The following HDAC9 variants were observed in gnomAD, a reference collection of about 807,000 sequenced individuals.
HDAC9 encodes histone deacetylase 9.
Under a neutral mutation model 139.4 loss-of-function variants are expected in HDAC9, and 41 were observed. That is an observed-to-expected ratio of 0.29 (90% CI 0.23 to 0.38). The LOEUF (loss-of-function observed/expected upper bound fraction) is 0.38, where lower values mean the gene tolerates loss of function less well. Among genes scored for constraint, HDAC9 ranks in the 10% least tolerant of loss-of-function variants. The pLI, the probability that HDAC9 is intolerant of heterozygous loss-of-function variation, is 1.00. For synonymous variants in HDAC9, 517 were observed against 476.2 expected (o/e 1.09, Z -1.12); for missense variants, 1,147 against 1,297.0 (o/e 0.88, Z 1.78).
chr7:18,452,860 T>TTTCC (rs1270149108), intron 1 of HDAC9, among the ~76,000 whole-genome samples: 1 of 152,204 alleles, frequency 6.6e-6, no homozygotes, highest in Non-Finnish European at 1.5e-5. Flanking sequence ...TTAAACCTCC[T>TTTCC]TTCCTTTATA....
At chr7:18,120,931 A>C (rs1784331265) in intron 1 of HDAC9, among the ~76,000 whole-genome samples, 1 of 152,176 alleles carries the variant, frequency 6.6e-6, no homozygotes, top group South Asian at 2.1e-4. Flanking sequence ...TTACTTCCAC[A>C]CTGGCAGTAA....
intron 1 of HDAC9, among the ~76,000 whole-genome samples, chr7:18,385,194 G>A (rs1785804700): frequency 1.3e-5 from 2 of 152,024 alleles, no homozygotes; most frequent in Non-Finnish European, 1.5e-5. Context: ...GCAAAAAGAG[G>A]CAAAGTGATG....
intron 2 of HDAC9, among the ~76,000 whole-genome samples, chr7:18,209,707 CTT>C (rs570706146): frequency 6.9e-6 from 1 of 145,670 alleles, no homozygotes; most frequent in Non-Finnish European, 1.5e-5. Flanking sequence ...GTACTTTTTT[CTT>C]TTTTTTTTTG....
chr7:18,815,782 C>G (rs1645036355), intron 17 of HDAC9, among the ~76,000 whole-genome samples: 1 of 152,224 alleles, frequency 6.6e-6, no homozygotes, highest in Admixed American at 6.5e-5. Context: ...TTCCTGGCTC[C>G]CTTGAGCTGG....
At chr7:18,964,939 TTGAA>T (rs1175616970) in intron 24 of HDAC9, among the ~76,000 whole-genome samples, 1 of 152,200 alleles carries the variant, frequency 6.6e-6, no homozygotes, top group Non-Finnish European at 1.5e-5. Flanking sequence ...AAACAATCCT[TTGAA>T]TGCAATTTGG....
intron 17 of HDAC9, among the ~76,000 whole-genome samples, chr7:18,811,038 A>G (rs560939843): frequency 6.6e-6 from 1 of 151,836 alleles, no homozygotes; most frequent in Non-Finnish European, 1.5e-5. Context: ...TGTGTATTTT[A>G]TAAGAAAATG....
intron 22 of HDAC9, among the ~76,000 whole-genome samples, chr7:18,880,442 T>C (rs182992304): frequency 4.4e-4 from 67 of 152,144 alleles, no homozygotes; most frequent in African/African-American, 1.5e-3. Flanking sequence ...ACAAAGAAAA[T>C]GTGGTACATA....
chr7:18,701,739 A>G (rs1242953103), intron 12 of HDAC9, among the ~76,000 whole-genome samples: 1 of 152,252 alleles, frequency 6.6e-6, no homozygotes, highest in African/African-American at 2.4e-5. Context: ...AACAGGGAAC[A>G]TCCATTACAT....
At chr7:18,759,954 A>G (rs1426759234) in intron 14 of HDAC9, among the ~76,000 whole-genome samples, 2 of 152,208 alleles carry the variant, frequency 1.3e-5, no homozygotes, top group Non-Finnish European at 2.9e-5. Context: ...TAATTTATAG[A>G]TGAAACGAAT....
In HDAC9 at chr7:18,442,700, A is replaced by G. The variant is rs147465752; in HGVS notation, c.-41-53562A>G. 1.9e-3 allele frequency among the ~76,000 whole-genome samples: 290 copies of G among 152,272 alleles called. 2 individuals are homozygous for G. Among genetic ancestry groups the G allele is most frequent in the African/African-American group, 5.7e-3 (236 of 41,546 alleles). Reference sequence around the variant, plus strand: ...TTATACTGTCTTACTACTTTACAATATCTATTTGTAATTCTTTAGACTCTA... The same window carrying G: ...TTATACTGTCTTACTACTTTACAATGTCTATTTGTAATTCTTTAGACTCTA... On this transcript the variant is annotated intron_variant, in intron 1 of 3. Coordinates refer to the HDAC9 transcript ENST00000413509.
chr7:18,260,323 G>GTTTTTT (rs368857394), intron 2 of HDAC9, among the ~76,000 whole-genome samples: 1 of 115,642 alleles, frequency 8.6e-6, no homozygotes, highest in Non-Finnish European at 1.7e-5. Flanking sequence ...TTTTTTTTTT[G>GTTTTTT]TTTTTTTTTT....
chr7:18,215,373 A>G (rs1163318849), intron 2 of HDAC9, among the ~76,000 whole-genome samples: 1 of 152,304 alleles, frequency 6.6e-6, no homozygotes, highest in African/African-American at 2.4e-5. Flanking sequence ...AGGCCTATGC[A>G]CTCAATTAAT....
intron 6 of HDAC9, among the ~76,000 whole-genome samples, chr7:18,602,557 ATCTTT>A (rs1342994901): frequency 2.0e-5 from 3 of 150,114 alleles, no homozygotes; most frequent in South Asian, 2.1e-4. Flanking sequence ...TTCAATTTTT[ATCTTT>A]TCTTCTAATA....
At chr7:18,595,653 A>G (rs1468699539) in intron 6 of HDAC9, among the ~76,000 whole-genome samples, 3 of 152,062 alleles carry the variant, frequency 2.0e-5, no homozygotes, top group African/African-American at 4.8e-5. Context: ...GATGAGTGAT[A>G]TAGTTACATT....
chr7:18,989,952 C>A (rs1272426579), intron 25 of HDAC9, among the ~76,000 whole-genome samples: 1 of 151,614 alleles, frequency 6.6e-6, no homozygotes. Flanking sequence ...GTTATACATT[C>A]TTCTAAATTT....
At position 18,860,169 on chromosome 7, in the gene HDAC9, G is replaced by A. The variant is rs906148723; in HGVS notation, c.2685-14309G>A. On this transcript the variant is annotated intron_variant, in intron 21 of 25. Transcript: ENST00000686413. ...TAAAGAAAGTAATAACAAAAAATAG[G>A]CACATAATTAAGTTTCCAAAGTGCA... Among the ~76,000 whole-genome samples, 33 of 151,646 alleles carry A rather than the reference G, an allele frequency of 2.2e-4. 1 individual carries two copies. Among genetic ancestry groups the A allele is most frequent in the Admixed American group, 1.1e-3 (16 of 15,212 alleles).
At chr7:18,549,004 C>G (rs1210009934) in intron 2 of HDAC9, among the ~76,000 whole-genome samples, 1 of 152,118 alleles carries the variant, frequency 6.6e-6, no homozygotes, top group Non-Finnish European at 1.5e-5. Flanking sequence ...CTTTGGGAGG[C>G]CAAGGCGGGA....
At chr7:18,909,920 GT>G (rs1212095357) in intron 22 of HDAC9, among the ~76,000 whole-genome samples, 3 of 151,696 alleles carry the variant, frequency 2.0e-5, no homozygotes, top group African/African-American at 7.3e-5. Context: ...TTTTTGTGGG[GT>G]TTTTTGCTCA....
intron 25 of HDAC9, among the ~76,000 whole-genome samples, chr7:18,989,556 A>AT (rs1195506404): frequency 6.7e-6 from 1 of 150,240 alleles, no homozygotes; most frequent in Non-Finnish European, 1.5e-5. Flanking sequence ...CTTGAGGAGT[A>AT]TCTTTGTGGC....
Sources: allele counts gnomAD v4.1 joint callset (sites outside exome capture counted in the v4.1 genomes callset), GRCh38; gene constraint gnomAD v4.1.1; transcripts MANE v1.5; gene names NCBI Gene and HGNC (gene_info 2026-07-23, HGNC 2026-07-21).